VWC2: variants seen among roughly 807,000 people sequenced by gnomAD.
VWC2 encodes von Willebrand factor C domain containing 2.
A neutral mutation model predicts 29.8 loss-of-function variants in VWC2; 14 were observed. That is an observed-to-expected ratio of 0.47 (90% CI 0.31 to 0.74). The LOEUF (loss-of-function observed/expected upper bound fraction) is 0.74, where lower values mean the gene tolerates loss of function less well. VWC2 is among the 30% of genes least tolerant of loss of function. The pLI is 0.05. For missense variants in VWC2, 457 were observed against 459.8 expected (o/e 0.99, Z 0.05); for synonymous variants, 213 against 199.0 (o/e 1.07, Z -0.59).
chr7:49,818,510 G>A (rs1789198766), intron 3 of VWC2, among the ~76,000 whole-genome samples: 1 of 151,798 alleles, frequency 6.6e-6, no homozygotes, highest in Non-Finnish European at 1.5e-5. Context: ...TTTATTCCTT[G>A]AAGACCCTTG....
intron 2 of VWC2, among the ~76,000 whole-genome samples, chr7:49,781,309 C>T (rs1364621861): frequency 6.6e-6 from 1 of 151,944 alleles, no homozygotes; most frequent in Non-Finnish European, 1.5e-5. Context: ...GTTCCTAACT[C>T]AGGTGGGGGA....
rs6973426 is a variant in VWC2 at position 49,783,844 on chromosome 7, G to A, written c.696+7713G>A. ...CTGGGAGGATCACTTGAGCCCAGGAGTTTAAGACCAGCCTGTGCAACATAG... is the reference window on the plus strand; with the variant it reads ...CTGGGAGGATCACTTGAGCCCAGGAATTTAAGACCAGCCTGTGCAACATAG... On this transcript the variant is annotated intron_variant, in intron 2 of 3. Transcript: ENST00000340652. 6.3e-3 allele frequency among the ~76,000 whole-genome samples: 963 copies of A among 151,970 alleles called. 22 individuals are homozygous for A. Among genetic ancestry groups the A allele is most frequent in the African/African-American group, 0.022 (923 of 41,418 alleles).
At chr7:49,849,237 T>C (rs1005067402) in intron 3 of VWC2, among the ~76,000 whole-genome samples, 4 of 152,206 alleles carry the variant, frequency 2.6e-5, no homozygotes, top group Non-Finnish European at 5.9e-5. Flanking sequence ...TATCACAAAA[T>C]GCTTTTGTCT....
intron 3 of VWC2, among the ~76,000 whole-genome samples, chr7:49,840,394 C>G (rs1324595129): frequency 1.3e-5 from 2 of 152,070 alleles, no homozygotes; most frequent in Non-Finnish European, 2.9e-5. Context: ...CGCAGGGGCC[C>G]ATCACATCTG....
At chr7:49,877,191 A>G (rs913359425) in intron 3 of VWC2, among the ~76,000 whole-genome samples, 1 of 151,776 alleles carries the variant, frequency 6.6e-6, no homozygotes, top group Non-Finnish European at 1.5e-5. Context: ...GCCGGGCGTA[A>G]TGGCTCATGC....
chr7:49,797,420 C>G (rs1318471679), intron 2 of VWC2, among the ~76,000 whole-genome samples: 2 of 152,198 alleles, frequency 1.3e-5, no homozygotes, highest in Non-Finnish European at 2.9e-5. Context: ...AAAAAATATT[C>G]ACAAACATAA....
chr7:49,828,186 C>T (rs1341035672), intron 3 of VWC2, among the ~76,000 whole-genome samples: 1 of 152,112 alleles, frequency 6.6e-6, no homozygotes, highest in Non-Finnish European at 1.5e-5. Flanking sequence ...CCGTGCTGTG[C>T]CTATTTGTAT....
intron 2 of VWC2, among the ~76,000 whole-genome samples, chr7:49,790,441 C>G (rs889364526): frequency 6.6e-6 from 1 of 152,064 alleles, no homozygotes; most frequent in Non-Finnish European, 1.5e-5. Context: ...CTCTGACAGA[C>G]AGTGGAAAGA....
At chr7:49,811,097 C>T (rs1788995671) in intron 3 of VWC2, among the ~76,000 whole-genome samples, 2 of 152,038 alleles carry the variant, frequency 1.3e-5, no homozygotes, top group South Asian at 2.1e-4. Flanking sequence ...TTTGAGAAAA[C>T]ATTTGTAAAT....
At chr7:49,898,484 A>G (rs1336150251) in intron 3 of VWC2, among the ~76,000 whole-genome samples, 3 of 152,062 alleles carry the variant, frequency 2.0e-5, no homozygotes, top group Non-Finnish European at 4.4e-5. Context: ...TTGTCTGACA[A>G]AGTTTTTATT....
chr7:49,797,046 CCTTG>C (rs1788608384), intron 2 of VWC2, among the ~76,000 whole-genome samples: 1 of 152,170 alleles, frequency 6.6e-6, no homozygotes, highest in Non-Finnish European at 1.5e-5. Context: ...ATTTTACAGT[CCTTG>C]CTGTCTATGT....
chr7:49,814,669 A>G (rs1789093259), intron 3 of VWC2, among the ~76,000 whole-genome samples: 1 of 152,130 alleles, frequency 6.6e-6, no homozygotes, highest in African/African-American at 2.4e-5. Flanking sequence ...TTTTATTTGT[A>G]TGCTTCCTCA....
chr7:49,792,901 G>A (rs548634560), intron 2 of VWC2, among the ~76,000 whole-genome samples: 7 of 152,308 alleles, frequency 4.6e-5, no homozygotes, highest in Non-Finnish European at 7.4e-5. Context: ...TACAGGGCAC[G>A]CTGAGGTATG....
intron 3 of VWC2, among the ~76,000 whole-genome samples, chr7:49,911,375 T>A (rs1793415120): frequency 6.9e-6 from 1 of 145,708 alleles, no homozygotes; most frequent in Non-Finnish European, 1.5e-5. Context: ...CCAGCTACTC[T>A]GGAGGCTGCG....
chr7:49,827,282 A>G (rs577852302), intron 3 of VWC2, among the ~76,000 whole-genome samples: 1 of 152,170 alleles, frequency 6.6e-6, no homozygotes, highest in Non-Finnish European at 1.5e-5. Context: ...TAGTAGAGTG[A>G]AGCTTTGCCC....
At chr7:49,792,871 G>C (rs1788496746) in intron 2 of VWC2, among the ~76,000 whole-genome samples, 1 of 152,208 alleles carries the variant, frequency 6.6e-6, no homozygotes, top group Non-Finnish European at 1.5e-5. Flanking sequence ...ATGTCGGGCA[G>C]TCAGGGGCTT....
chr7:49,777,606 A>T (rs1788080117), intron 2 of VWC2, among the ~76,000 whole-genome samples: 1 of 152,306 alleles, frequency 6.6e-6, no homozygotes, highest in Non-Finnish European at 1.5e-5. Flanking sequence ...AAGTACTCAC[A>T]TTTGACTGCA....
intron 3 of VWC2, among the ~76,000 whole-genome samples, chr7:49,906,345 T>C (rs1905269): frequency 2.0e-5 from 3 of 151,924 alleles, no homozygotes; most frequent in African/African-American, 4.8e-5. Context: ...AATTTTCTCT[T>C]TTTTTTTGAG....
chr7:49,880,670 C>T lies in VWC2; in HGVS notation c.827-31364C>T, dbSNP rs138338950. ...ACACAGGGTGGGGAACATCACACAC[C>T]GGGGCCTGTTGTGGGATGGGGGAAG... On this transcript the variant is annotated intron_variant, in intron 3 of 3. Transcript: ENST00000340652. Among the ~76,000 whole-genome samples the T allele has an allele frequency of 4.6e-4, 69 of 151,482 alleles. No individual in the cohort carries two copies. In the East Asian group the frequency reaches 0.012, roughly 26 times the overall value.
Sources: gnomAD v4.1 joint callset for allele counts (sites outside exome capture counted in the v4.1 genomes callset) on GRCh38, gnomAD v4.1.1 for gene constraint, MANE v1.5 for transcripts, NCBI Gene and HGNC (gene_info 2026-07-23, HGNC 2026-07-21) for gene names.